PCDHA2: variants seen among roughly 807,000 people sequenced by gnomAD.
PCDHA2 encodes the protein protocadherin alpha 2.
In PCDHA2, 58 loss-of-function variants were observed where a neutral mutation model predicts 66.0. The observed-to-expected ratio is 0.88, with a 90% CI of 0.71 to 1.09. The LOEUF is 1.09. PCDHA2 is among the 50% of genes least tolerant of loss of function. The pLI, the probability that PCDHA2 is intolerant of heterozygous loss-of-function variation, is 0.00. For synonymous variants in PCDHA2, 634 were observed against 554.0 expected (o/e 1.14, Z -2.03); for missense variants, 1,267 against 1,242.3 (o/e 1.02, Z -0.30).
Position 140,850,922 on chromosome 5 carries a change from A to G in PCDHA2, c.2388+53570A>G, listed in dbSNP as rs1228404686. 21 of 1,525,242 alleles carry G rather than the reference A, an allele frequency of 1.4e-5. 3 individuals are homozygous for G. Among genetic ancestry groups the G allele is most frequent in the Non-Finnish European group, 1.9e-5 (21 of 1,134,594 alleles). The allele number at this position is 1,525,242 out of a possible 1,614,324, so 94.5% of individuals were successfully genotyped here. A position where few individuals can be genotyped will look rare whatever the true frequency, so the allele number is the denominator to read the frequency against. ...TTTCTAGCATTTTATTTATTTATATAATTTTTTTTCTTGAAAGATATTATC... is the reference window on the plus strand; with the variant it reads ...TTTCTAGCATTTTATTTATTTATATGATTTTTTTTCTTGAAAGATATTATC... On this transcript the variant is annotated intron_variant, in intron 1 of 3. Transcript: ENST00000526136.
chr5:140,870,391 G>A lies in PCDHA2; in HGVS notation c.2388+73039G>A. 1.9e-6 allele frequency: 3 copies of A among 1,614,230 alleles called. No homozygotes were observed. Among genetic ancestry groups the A allele is most frequent in the East Asian group, 2.2e-5 (1 of 44,872 alleles). The stretch of plus-strand genomic sequence containing the variant: ...ACTGGTGGTGACTGCGCGGGATGGG[G>A]GTTCGCCTTCTCTGTGGGCCACGGC... On this transcript the variant is annotated intron_variant, in intron 1 of 3. Transcript: ENST00000526136.
At chr5:140,973,489 G>T (rs1554235344) in intron 1 of PCDHA2, among the ~76,000 whole-genome samples, 2 of 152,096 alleles carry the variant, frequency 1.3e-5, no homozygotes, top group African/African-American at 4.8e-5. Flanking sequence ...TTGGTCACAG[G>T]ACTCTTCTTC....
At chr5:140,905,033 T>C (rs1325621385) in intron 1 of PCDHA2, among the ~76,000 whole-genome samples, 3 of 152,234 alleles carry the variant, frequency 2.0e-5, no homozygotes, top group African/African-American at 7.2e-5. Context: ...AGAAGCTTTT[T>C]AGTTTAATTA....
chr5:140,801,137 C>A (rs1357728737), intron 1 of PCDHA2: 2 of 1,524,932 alleles, frequency 1.3e-6, no homozygotes, highest in South Asian at 2.6e-5. Flanking sequence ...ATAAGGAACT[C>A]GAATTATTTT....
At chr5:141,001,833 G>GAGACAGAGAGAGAGGTTGATT (rs1554258319) in intron 3 of PCDHA2, among the ~76,000 whole-genome samples, 1 of 151,780 alleles carries the variant, frequency 6.6e-6, no homozygotes, top group East Asian at 1.9e-4. Context: ...GACAGAGAGG[G>GAGACAGAGAGAGAGGTTGATT]AGACAGAGAG....
intron 1 of PCDHA2, among the ~76,000 whole-genome samples, chr5:140,925,576 A>G (rs1157907719): frequency 2.0e-5 from 3 of 151,872 alleles, no homozygotes; most frequent in African/African-American, 7.3e-5. Flanking sequence ...CAGCACACCA[A>G]CATGGCGCAT....
Position 140,823,614 on chromosome 5 carries a change from G to T in PCDHA2, c.2388+26262G>T, listed in dbSNP as rs2150127435. ...GGCTTTCGTATGAGCTGCAGCCAGC[G>T]CCTGGCAGTGCGCGCATCCCGTTCC... On this transcript the variant is annotated intron_variant, in intron 1 of 3. Coordinates refer to ENST00000526136, the MANE Select transcript of PCDHA2 (RefSeq NM_018905.3). 4 of 1,614,046 alleles carry T rather than the reference G, an allele frequency of 2.5e-6. No individual in the cohort carries two copies. The East Asian group carries it at 6.7e-5, about 27-fold the overall frequency.
chr5:140,941,214 C>CTTTCT (rs1554214039), intron 1 of PCDHA2, among the ~76,000 whole-genome samples: 174 of 122,492 alleles, frequency 1.4e-3, no homozygotes, highest in African/African-American at 5.3e-3. Flanking sequence ...TTTCTTTCTT[C>CTTTCT]CTTTCTTTCT....
In PCDHA2 at chr5:140,927,151, T is replaced by C. The variant is rs781865588; in HGVS notation, c.2389-51798T>C. ...AGAGCCGGCGGACCGCGAACAGCTGTGCAGGGCCAAAGCTGCCTGCGTCTT... is the reference window on the plus strand; with the variant it reads ...AGAGCCGGCGGACCGCGAACAGCTGCGCAGGGCCAAAGCTGCCTGCGTCTT... On this transcript the variant is annotated intron_variant, in intron 1 of 3. Coordinates refer to ENST00000526136, the MANE Select transcript of PCDHA2 (RefSeq NM_018905.3). 15 of 1,614,128 alleles carry C rather than the reference T, an allele frequency of 9.3e-6. No homozygotes were observed. In the East Asian group the frequency reaches 3.3e-4, roughly 36 times the overall value.
intron 1 of PCDHA2, among the ~76,000 whole-genome samples, chr5:140,888,280 C>T (rs182771664): frequency 2.0e-5 from 3 of 152,210 alleles, no homozygotes; most frequent in African/African-American, 4.8e-5. Context: ...GTTTTGTCCC[C>T]TCTACCCCCT....
chr5:140,928,998 CGT>C, intron 1 of PCDHA2: 1 of 1,613,902 alleles, frequency 6.2e-7, no homozygotes. Flanking sequence ...TACTTTTCTT[CGT>C]GTGTACCAAG....
At chr5:140,832,767 T>C (rs1197167280) in intron 1 of PCDHA2, among the ~76,000 whole-genome samples, 1 of 152,180 alleles carries the variant, frequency 6.6e-6, no homozygotes, top group Non-Finnish European at 1.5e-5. Context: ...AAGAATATTG[T>C]AAGAGGTGCT....
rs370463257 is a variant in PCDHA2, at chr5:140,796,516, T to C, written c.1552T>C (p.Tyr518His). The C allele has an allele frequency of 2.1e-5, 34 of 1,612,400 alleles. No homozygotes were observed. In the African/African-American group the frequency reaches 2.3e-4, roughly 11 times the overall value. ...VSVHAESGKV[Y>H]ALQPLDHEEV... ...GGTGCACGCGGAGAGCGGCAAGGTG[T>C]ACGCGCTGCAGCCGCTGGACCACGA... Residue 518 changes from tyrosine (Y) to histidine (H), a missense_variant, in exon 1 of 4, where the codon TAC (tyrosine) becomes CAC (histidine). Physicochemically the swap from Tyr to His is moderately conservative, Grantham distance 83. Transcript: ENST00000526136.
intron 1 of PCDHA2, among the ~76,000 whole-genome samples, chr5:140,932,700 A>G (rs1584752908): frequency 6.6e-6 from 1 of 151,992 alleles, no homozygotes; most frequent in East Asian, 1.9e-4. Flanking sequence ...AAAAACTCAT[A>G]TAGACAACAC....
chr5:140,868,895 G>A (rs782646284), intron 1 of PCDHA2: 198 of 777,068 alleles, frequency 2.5e-4, no homozygotes, highest in Admixed American at 3.7e-4. Flanking sequence ...TAGGCGCAAG[G>A]TGTCGCTCTT....
At chr5:140,948,784 T>C (rs1486580473) in intron 1 of PCDHA2, among the ~76,000 whole-genome samples, 6 of 151,646 alleles carry the variant, frequency 4.0e-5, no homozygotes, top group African/African-American at 1.4e-4. Flanking sequence ...CTTTTGGCTT[T>C]GTTGATATAT....
At chr5:140,810,339 G>A (rs1344162915) in intron 1 of PCDHA2, 5 of 152,044 alleles carry the variant, frequency 3.3e-5, no homozygotes, top group African/African-American at 4.8e-5. Context: ...TTTCTCTCAG[G>A]TTTTTGCCTA....
intron 1 of PCDHA2, chr5:140,802,972 C>G: frequency 6.2e-7 from 1 of 1,613,982 alleles, no homozygotes; most frequent in Non-Finnish European, 8.5e-7. Flanking sequence ...CACGTGGTAG[C>G]GAAGGTGCGC....
At chr5:141,000,395 C>CTATATA (rs1190667031) in intron 3 of PCDHA2, among the ~76,000 whole-genome samples, 4 of 53,980 alleles carry the variant, frequency 7.4e-5, no homozygotes, top group East Asian at 6.1e-4. Context: ...CTCTCTCTCT[C>CTATATA]TATATATATA....
Sources: allele counts gnomAD v4.1 joint callset (sites outside exome capture counted in the v4.1 genomes callset), GRCh38; gene constraint gnomAD v4.1.1; transcripts MANE v1.5; gene names NCBI Gene and HGNC (gene_info 2026-07-23, HGNC 2026-07-21).